Variants in CHST11 observed in about 807,000 individuals in gnomAD.
The protein encoded by CHST11 is carbohydrate sulfotransferase 11, also known as C4S-1.
In CHST11, 9 loss-of-function variants were observed where a neutral mutation model predicts 30.4. The ratio of observed to expected loss-of-function variants is 0.30; its 90% CI spans 0.18 to 0.52. The LOEUF is 0.52. Among genes scored for constraint, CHST11 ranks in the 20% least tolerant of loss-of-function variants. CHST11 has a pLI of 0.97. For synonymous variants in CHST11, 152 were observed against 187.8 expected (o/e 0.81, Z 1.56); for missense variants, 348 against 460.6 (o/e 0.76, Z 2.24).
chr12:104,538,567 G>C (rs1300453964), intron 1 of CHST11, among the ~76,000 whole-genome samples: 4 of 152,070 alleles, frequency 2.6e-5, no homozygotes, highest in Non-Finnish European at 5.9e-5. Flanking sequence ...TTTGAACTTT[G>C]CCCATCCATA....
chr12:104,693,478 T>G (rs1286207975), intron 2 of CHST11, among the ~76,000 whole-genome samples: 5 of 152,326 alleles, frequency 3.3e-5, no homozygotes, highest in African/African-American at 1.2e-4. Context: ...AAGATGAGGC[T>G]GTCTCAGGCA....
At chr12:104,488,623 A>ATGTATGTGTGTGTGCGTG (rs1465816110) in intron 1 of CHST11, among the ~76,000 whole-genome samples, 1 of 99,842 alleles carries the variant, frequency 1.0e-5, no homozygotes, top group African/African-American at 3.7e-5. Flanking sequence ...GTATGTGTGC[A>ATGTATGTGTGTGTGCGTG]TGTATGTGTG....
chr12:104,639,623 A>G (rs1469640411), intron 2 of CHST11, among the ~76,000 whole-genome samples: 5 of 152,194 alleles, frequency 3.3e-5, no homozygotes, highest in Non-Finnish European at 7.3e-5. Context: ...GATTGTGGGT[A>G]AGAGAACATG....
At position 104,457,116 on chromosome 12, in the gene CHST11, A is replaced by C; in HGVS notation, c.-296A>C. On this transcript the variant is annotated 5_prime_UTR_variant, in exon 1 of 3. Coordinates refer to ENST00000303694, the MANE Select transcript of CHST11 (RefSeq NM_018413.6). Reference sequence around the variant, plus strand: ...CCAGCCGCCCGGCCCGCGACCAGGCAGCGGCGGCCGCCGGCGGGATCGGAG... The same window carrying C: ...CCAGCCGCCCGGCCCGCGACCAGGCCGCGGCGGCCGCCGGCGGGATCGGAG... The C allele has an allele frequency of 4.2e-6, 1 of 235,716 alleles. No homozygotes were observed. Among genetic ancestry groups the C allele is most frequent in the Non-Finnish European group, 8.2e-6 (1 of 122,598 alleles). 14.6% of individuals were successfully genotyped at this position (235,716 alleles called of 1,614,324 possible).
chr12:104,544,478 G>A (rs1027142923), intron 1 of CHST11, among the ~76,000 whole-genome samples: 2 of 151,910 alleles, frequency 1.3e-5, no homozygotes, highest in African/African-American at 2.4e-5. Context: ...GCACTTTGGC[G>A]GGGGGATCAC....
chr12:104,490,031 G>A, intron 1 of CHST11, among the ~76,000 whole-genome samples: 1 of 152,156 alleles, frequency 6.6e-6, no homozygotes, highest in East Asian at 1.9e-4. Flanking sequence ...TGTCCTCTGA[G>A]GCTCTCTTTG....
At chr12:104,581,451 T>G (rs2038743405) in intron 1 of CHST11, among the ~76,000 whole-genome samples, 1 of 152,232 alleles carries the variant, frequency 6.6e-6, no homozygotes, top group Non-Finnish European at 1.5e-5. Context: ...CCCTATTTAT[T>G]TATTTGAACC....
chr12:104,655,309 C>A (rs1167222227), intron 2 of CHST11, among the ~76,000 whole-genome samples: 2 of 152,240 alleles, frequency 1.3e-5, no homozygotes, highest in Non-Finnish European at 2.9e-5. Context: ...CACTTCACAG[C>A]ATTTCTTTTA....
intron 2 of CHST11, among the ~76,000 whole-genome samples, chr12:104,641,024 T>G (rs1380902846): frequency 6.6e-6 from 1 of 152,184 alleles, no homozygotes; most frequent in Non-Finnish European, 1.5e-5. Flanking sequence ...TACAGTTGGA[T>G]GTCAGAAGCA....
intron 1 of CHST11, among the ~76,000 whole-genome samples, chr12:104,568,808 T>A (rs757282142): frequency 1.3e-5 from 2 of 152,232 alleles, no homozygotes; most frequent in Non-Finnish European, 2.9e-5. Context: ...AATATGGCTT[T>A]ATAGTTCATG....
chr12:104,695,892 C>T (rs2039940121), intron 2 of CHST11, among the ~76,000 whole-genome samples: 1 of 152,142 alleles, frequency 6.6e-6, no homozygotes, highest in Non-Finnish European at 1.5e-5. Flanking sequence ...CCTGGAGGAG[C>T]CAACCCGATG....
intron 1 of CHST11, among the ~76,000 whole-genome samples, chr12:104,532,960 G>C (rs2038200517): frequency 6.6e-6 from 1 of 152,070 alleles, no homozygotes; most frequent in Admixed American, 6.5e-5. Context: ...TTTCCTTTTA[G>C]AGATAGGTTC....
rs542533074 is a variant in CHST11 at position 104,617,971 on chromosome 12, C to T, written c.204+15980C>T. 1.9e-4 allele frequency among the ~76,000 whole-genome samples: 29 copies of T among 151,298 alleles called. 1 individual carries two copies. In the South Asian group the frequency reaches 3.7e-3, roughly 20 times the overall value. On this transcript the variant is annotated intron_variant, in intron 2 of 2. Coordinates refer to ENST00000303694, the MANE Select transcript of CHST11 (RefSeq NM_018413.6). Reference sequence around the variant, plus strand: ...TTGCCCAGGCTGGTGAGCCATGGTGCGATCTCGGCTCACTGCAACCTCCAC... The same window carrying T: ...TTGCCCAGGCTGGTGAGCCATGGTGTGATCTCGGCTCACTGCAACCTCCAC...
intron 2 of CHST11, among the ~76,000 whole-genome samples, chr12:104,636,635 C>T (rs1472951763): frequency 6.6e-6 from 1 of 152,204 alleles, no homozygotes; most frequent in Admixed American, 6.5e-5. Flanking sequence ...TGAGTCTCGG[C>T]TCTGCTACTT....
intron 1 of CHST11, among the ~76,000 whole-genome samples, chr12:104,548,567 G>A (rs890683372): frequency 1.3e-5 from 2 of 152,202 alleles, no homozygotes; most frequent in Admixed American, 6.5e-5. Flanking sequence ...CACTAACAAT[G>A]TTTAAACTTT....
At chr12:104,704,005 A>G (rs1364630230) in intron 2 of CHST11, among the ~76,000 whole-genome samples, 1 of 152,102 alleles carries the variant, frequency 6.6e-6, no homozygotes, top group African/African-American at 2.4e-5. Context: ...TTCGTAGCTG[A>G]TTCTCCTTTT....
intron 1 of CHST11, among the ~76,000 whole-genome samples, chr12:104,555,797 C>T (rs1174086657): frequency 6.6e-6 from 1 of 152,258 alleles, no homozygotes; most frequent in Non-Finnish European, 1.5e-5. Context: ...CCTGAGGCAG[C>T]TGGAGCTGGC....
chr12:104,582,014 C>T (rs186375964), intron 1 of CHST11, among the ~76,000 whole-genome samples: 3 of 152,222 alleles, frequency 2.0e-5, no homozygotes, highest in East Asian at 1.9e-4. Context: ...GGATGCACTA[C>T]GTCATTATCG....
At chr12:104,467,408 CAGGACT>C (rs1235678728) in intron 1 of CHST11, among the ~76,000 whole-genome samples, 1 of 152,188 alleles carries the variant, frequency 6.6e-6, no homozygotes, top group African/African-American at 2.4e-5. Context: ...TTTGGAACTC[CAGGACT>C]AGACCTGCCT....
Sources: allele counts gnomAD v4.1 joint callset (sites outside exome capture counted in the v4.1 genomes callset), GRCh38; gene constraint gnomAD v4.1.1; transcripts MANE v1.5; gene names NCBI Gene and HGNC (gene_info 2026-07-23, HGNC 2026-07-21).